FRMD4B: variants seen among roughly 807,000 people sequenced by gnomAD.
The protein encoded by FRMD4B is FERM domain containing 4B.
Under a neutral mutation model 141.5 loss-of-function variants are expected in FRMD4B, and 74 were observed. The observed-to-expected ratio is 0.52, with a 90% confidence interval of 0.43 to 0.63. The LOEUF (loss-of-function observed/expected upper bound fraction) is 0.63. Ranked by LOEUF, FRMD4B falls within the 30% of genes least tolerant of loss-of-function variation. The pLI is 0.00. For missense variants in FRMD4B, 1,366 were observed against 1,253.4 expected (o/e 1.09, Z -1.36); for synonymous variants, 506 against 467.9 (o/e 1.08, Z -1.05).
At chr3:69,270,885 C>G (rs1315480076) in intron 5 of FRMD4B, among the ~76,000 whole-genome samples, 1 of 152,038 alleles carries the variant, frequency 6.6e-6, no homozygotes, top group Non-Finnish European at 1.5e-5. Context: ...TTTTCAAAAG[C>G]AGGAAACATA....
chr3:69,524,567 C>T (rs72937451), intron 1 of FRMD4B, among the ~76,000 whole-genome samples: 6,521 of 152,262 alleles, frequency 0.043, 398 homozygotes, highest in African/African-American at 0.13. Flanking sequence ...CTGGCAGCAG[C>T]TGGGGGCTGG....
chr3:69,189,379 T>C (rs1442847341), intron 18 of FRMD4B, among the ~76,000 whole-genome samples: 2 of 152,088 alleles, frequency 1.3e-5, no homozygotes, highest in Non-Finnish European at 2.9e-5. Context: ...AAATAAACTT[T>C]CCTTTATCTA....
intron 7 of FRMD4B, among the ~76,000 whole-genome samples, chr3:69,242,364 G>A (rs530646568): frequency 1.1e-4 from 16 of 151,648 alleles, no homozygotes; most frequent in East Asian, 9.7e-4. Flanking sequence ...AGCTTTAAGT[G>A]CTCCAGAGGT....
intron 21 of FRMD4B, among the ~76,000 whole-genome samples, chr3:69,180,505 G>C (rs2092694329): frequency 6.6e-6 from 1 of 151,988 alleles, no homozygotes; most frequent in South Asian, 2.1e-4. Flanking sequence ...ACATTTAAGA[G>C]ATGTGCCTGT....
intron 2 of FRMD4B, among the ~76,000 whole-genome samples, chr3:69,406,278 G>A (rs1704648413): frequency 6.6e-6 from 1 of 152,192 alleles, no homozygotes; most frequent in African/African-American, 2.4e-5. Flanking sequence ...AATGAACAAT[G>A]GCTCTTGGAA....
At chr3:69,528,236 C>T (rs1700957151) in intron 1 of FRMD4B, among the ~76,000 whole-genome samples, 1 of 151,312 alleles carries the variant, frequency 6.6e-6, no homozygotes, top group East Asian at 2.0e-4. Context: ...TTCCTTCCCT[C>T]CCTCCCTGCC....
chr3:69,411,655 C>T, intron 2 of FRMD4B, among the ~76,000 whole-genome samples: 1 of 152,166 alleles, frequency 6.6e-6, no homozygotes, highest in Non-Finnish European at 1.5e-5. Flanking sequence ...GATCTCCTGT[C>T]TAGGGAAACT....
chr3:69,190,363 C>G (rs1033196198), intron 17 of FRMD4B, among the ~76,000 whole-genome samples: 2 of 151,392 alleles, frequency 1.3e-5, no homozygotes, highest in African/African-American at 2.4e-5. Context: ...AAAATCTACT[C>G]TTAATATAAC....
intron 1 of FRMD4B, among the ~76,000 whole-genome samples, chr3:69,321,276 G>A (rs76476532): frequency 6.6e-6 from 1 of 152,148 alleles, no homozygotes; most frequent in Non-Finnish European, 1.5e-5. Context: ...GACCAAAATC[G>A]TAGCCTACTT....
At chr3:69,265,448 C>CT (rs560029423) in intron 5 of FRMD4B, among the ~76,000 whole-genome samples, 15,881 of 93,546 alleles carry the variant, frequency 0.17, 2,501 homozygotes, top group Non-Finnish European at 0.22. Flanking sequence ...TTTATTTGTC[C>CT]TTTTTTTTTT....
chr3:69,480,994 G>T (rs924743907), intron 1 of FRMD4B, among the ~76,000 whole-genome samples: 4 of 152,202 alleles, frequency 2.6e-5, no homozygotes, highest in Non-Finnish European at 4.4e-5. Flanking sequence ...GAGACTCCGT[G>T]GGCTTAGGAC....
At chr3:69,322,077 C>G (rs1327475681) in intron 1 of FRMD4B, among the ~76,000 whole-genome samples, 5 of 152,038 alleles carry the variant, frequency 3.3e-5, no homozygotes, top group African/African-American at 1.2e-4. Context: ...AAGCCCTGGC[C>G]CAGAAAAACT....
chr3:69,388,266 G>A (rs1422386862), upstream of FRMD4B, among the ~76,000 whole-genome samples: 8 of 152,160 alleles, frequency 5.3e-5, no homozygotes, highest in Non-Finnish European at 1.0e-4. Context: ...AATGTCAGCA[G>A]TCACTTTCAA....
In FRMD4B at chr3:69,339,572, A is replaced by T. The variant is rs550103498; in HGVS notation, c.163-26055T>A. Among the ~76,000 whole-genome samples the T allele has an allele frequency of 6.0e-4, 92 of 152,332 alleles. 1 individual carries two copies. Among genetic ancestry groups the T allele is most frequent in the Middle Eastern group, 3.4e-3 (1 of 294 alleles). On this transcript the variant is annotated intron_variant, in intron 1 of 22. Transcript: ENST00000398540. The stretch of plus-strand genomic sequence containing the variant: ...AATTACCAAACCTGTCACAGGAATG[A>T]TGCAGCTACATGAACCATTAAGAAA...
At chr3:69,503,372 C>T (rs1405760994) in intron 1 of FRMD4B, among the ~76,000 whole-genome samples, 1 of 152,000 alleles carries the variant, frequency 6.6e-6, no homozygotes, top group Non-Finnish European at 1.5e-5. Flanking sequence ...AGGATGAGTT[C>T]ATGTCCTTTG....
At chr3:69,350,593 G>C (rs1703108136) in intron 1 of FRMD4B, among the ~76,000 whole-genome samples, 1 of 152,120 alleles carries the variant, frequency 6.6e-6, no homozygotes, top group Non-Finnish European at 1.5e-5. Context: ...AACAGTGATA[G>C]ACTGGATTAA....
At chr3:69,524,023 A>G (rs1262175037) in intron 1 of FRMD4B, among the ~76,000 whole-genome samples, 1 of 152,208 alleles carries the variant, frequency 6.6e-6, no homozygotes, top group Non-Finnish European at 1.5e-5. Context: ...AATGCTCACC[A>G]CCATGGTAGG....
intron 1 of FRMD4B, among the ~76,000 whole-genome samples, chr3:69,528,097 C>T (rs1306475029): frequency 1.3e-5 from 2 of 152,192 alleles, no homozygotes; most frequent in Non-Finnish European, 2.9e-5. Flanking sequence ...TAGTCCATTA[C>T]CTTCCCTCCT....
chr3:69,513,084 TAG>T (rs1706714794), intron 1 of FRMD4B, among the ~76,000 whole-genome samples: 1 of 150,576 alleles, frequency 6.6e-6, no homozygotes, highest in South Asian at 2.1e-4. Flanking sequence ...ATAAACAAAA[TAG>T]AGAGTAGAAA....
Sources: gnomAD v4.1 joint callset for allele counts (sites outside exome capture counted in the v4.1 genomes callset) on GRCh38, gnomAD v4.1.1 for gene constraint, MANE v1.5 for transcripts, NCBI Gene and HGNC (gene_info 2026-07-23, HGNC 2026-07-21) for gene names.